The following BSPRY variants were observed in gnomAD, a reference collection of about 807,000 sequenced individuals.
The protein encoded by BSPRY is B box and SPRY domain-containing protein.
BSPRY carries 33 observed loss-of-function variants against 38.0 expected under a neutral mutation model. The ratio of observed to expected loss-of-function variants is 0.87; its 90% confidence interval spans 0.66 to 1.16. BSPRY has a LOEUF of 1.16. Ranked by LOEUF, BSPRY falls within the 50% of genes most tolerant of loss-of-function variation. The pLI is 0.00. For synonymous variants in BSPRY, 224 were observed against 228.5 expected, an observed-to-expected ratio of 0.98 and a Z score of 0.18; for missense variants, 523 against 533.2, an observed-to-expected ratio of 0.98 and a Z score of 0.19.
intron 2 of BSPRY, among the ~76,000 whole-genome samples, chr9:113,359,603 T>G (rs543721020): frequency 6.6e-6 from 1 of 152,312 alleles, no homozygotes; most frequent in South Asian, 2.1e-4. Flanking sequence ...CAGGTGCCTT[T>G]GGGAAGGATT....
chr9:113,351,837 C>T (rs1210206089), intron 1 of BSPRY, among the ~76,000 whole-genome samples: 3 of 152,044 alleles, frequency 2.0e-5, no homozygotes, highest in African/African-American at 7.2e-5. Flanking sequence ...CAGTCTCACT[C>T]TGTCACCCAG....
intron 2 of BSPRY, among the ~76,000 whole-genome samples, chr9:113,354,762 T>A (rs1834030406): frequency 6.6e-6 from 1 of 152,210 alleles, no homozygotes; most frequent in Non-Finnish European, 1.5e-5. Flanking sequence ...AACTGACCTG[T>A]CCAAGGACCC....
At chr9:113,365,595 G>A (rs1834234461) in intron 4 of BSPRY, among the ~76,000 whole-genome samples, 1 of 152,112 alleles carries the variant, frequency 6.6e-6, no homozygotes, top group African/African-American at 2.4e-5. Flanking sequence ...TGCTTCTCCA[G>A]GGCACCTGGT....
intron 1 of BSPRY, 23 bp downstream of exon 1, chr9:113,349,803 A>G: frequency 8.2e-7 from 1 of 1,222,216 alleles, no homozygotes; most frequent in Non-Finnish European, 1.0e-6. Flanking sequence ...GGGCGCCGGA[A>G]GGCGAGGGCT....
At chr9:113,369,186 G>A (rs561345701) in intron 5 of BSPRY, among the ~76,000 whole-genome samples, 1 of 152,242 alleles carries the variant, frequency 6.6e-6, no homozygotes, top group East Asian at 1.9e-4. Flanking sequence ...CCAATCTGGA[G>A]GCCACAGATA....
chr9:113,361,976 A>G (rs936140618), intron 3 of BSPRY, among the ~76,000 whole-genome samples: 2 of 152,188 alleles, frequency 1.3e-5, no homozygotes, highest in Non-Finnish European at 2.9e-5. Context: ...CACAGCATCC[A>G]TGGACAGAGC....
intron 4 of BSPRY, among the ~76,000 whole-genome samples, chr9:113,365,200 C>T (rs1170146152): frequency 2.0e-5 from 3 of 152,036 alleles, no homozygotes; most frequent in Admixed American, 6.6e-5. Flanking sequence ...TATGCTTTTC[C>T]TTTTATAATT....
rs1834284296 is a variant in BSPRY, at chr9:113,368,307, A to G, written c.606A>G (p.Leu202=). The change falls in exon 5 of 6, where the codon TTA becomes TTG. Residue 202 remains leucine (L), a synonymous_variant. Transcript: ENST00000374183. ...TGGATCCCCAGGAGTCGGAAATGTT[A>G]AACTTTAATGAGAAGTGCACTCGGA... is the stretch of plus-strand genomic sequence containing the variant. ...GILDPQESEM[L]NFNEKCTRSP... The G allele has an allele frequency of 6.2e-7, 1 of 1,614,204 alleles. No homozygotes were observed.
intron 1 of BSPRY, among the ~76,000 whole-genome samples, chr9:113,353,560 G>A (rs1355824638): frequency 6.6e-6 from 1 of 151,994 alleles, no homozygotes; most frequent in Non-Finnish European, 1.5e-5. Context: ...AAAATTAGCT[G>A]GGTGTGGTGA....
chr9:113,363,616 CATGCCT>C (rs1325204031), intron 4 of BSPRY, among the ~76,000 whole-genome samples: 1 of 151,306 alleles, frequency 6.6e-6, no homozygotes, highest in Admixed American at 6.6e-5. Context: ...CCCGGTGGCT[CATGCCT>C]ATAATCCCAG....
chr9:113,365,697 G>A (rs1350195131), intron 4 of BSPRY, among the ~76,000 whole-genome samples: 1 of 150,792 alleles, frequency 6.6e-6, no homozygotes, highest in Admixed American at 6.7e-5. Context: ...AGCTCACTCA[G>A]CATATAGCAG....
At chr9:113,351,206 C>A (rs902753674) in intron 1 of BSPRY, among the ~76,000 whole-genome samples, 1 of 152,026 alleles carries the variant, frequency 6.6e-6, no homozygotes, top group Non-Finnish European at 1.5e-5. Flanking sequence ...TCGGTACTAC[C>A]CTAGGGAACC....
intron 3 of BSPRY, 28 bp downstream of exon 3, chr9:113,360,765 C>A: frequency 6.6e-7 from 1 of 1,524,082 alleles, no homozygotes. Context: ...GAGGGCATGA[C>A]CAGTTGGCCA....
chr9:113,357,430 AT>A, intron 2 of BSPRY, among the ~76,000 whole-genome samples: 1 of 152,234 alleles, frequency 6.6e-6, no homozygotes, highest in African/African-American at 2.4e-5. Flanking sequence ...TCAGTAAAGC[AT>A]TTTTTATTTT....
chr9:113,366,831 A>G (rs925389127), intron 4 of BSPRY, among the ~76,000 whole-genome samples: 11 of 152,234 alleles, frequency 7.2e-5, no homozygotes, highest in African/African-American at 2.7e-4. Flanking sequence ...CTCCCAAGAC[A>G]GAACAGTGAC....
At chr9:113,356,200 A>G (rs959118443) in intron 2 of BSPRY, among the ~76,000 whole-genome samples, 2 of 152,102 alleles carry the variant, frequency 1.3e-5, no homozygotes, top group African/African-American at 4.8e-5. Flanking sequence ...TGTGACCAGG[A>G]ATGACTTCAT....
intron 4 of BSPRY, among the ~76,000 whole-genome samples, chr9:113,367,769 G>A (rs1223211473): frequency 6.6e-6 from 1 of 151,978 alleles, no homozygotes; most frequent in Non-Finnish European, 1.5e-5. Flanking sequence ...GGCTTCTGGG[G>A]GGCACAGGGG....
intron 5 of BSPRY, among the ~76,000 whole-genome samples, chr9:113,368,699 T>C (rs759261847): frequency 2.0e-5 from 3 of 152,220 alleles, no homozygotes; most frequent in Non-Finnish European, 4.4e-5. Context: ...GGGGTTTCTC[T>C]TTAAGAAGAT....
At position 113,368,306 on chromosome 9, in the gene BSPRY, T is replaced by C; in HGVS notation, c.605T>C (p.Leu202Ser). The change falls in exon 5 of 6, where the codon TTA (leucine) becomes TCA (serine). Residue 202 changes from leucine (L) to serine (S), a missense_variant. Coordinates refer to ENST00000374183, the MANE Select transcript of BSPRY (RefSeq NM_017688.3). ...GILDPQESEMLNFNEKCTRSP... is the reference protein window; with the variant it reads ...GILDPQESEMSNFNEKCTRSP... ...TTGGATCCCCAGGAGTCGGAAATGT[T>C]AAACTTTAATGAGAAGTGCACTCGG... The C allele has an allele frequency of 6.2e-7, 1 of 1,614,106 alleles. No individual in the cohort carries two copies. Among genetic ancestry groups the C allele is most frequent in the South Asian group, 1.1e-5 (1 of 91,076 alleles).
Sources: gnomAD v4.1 joint callset for allele counts (sites outside exome capture counted in the v4.1 genomes callset) on GRCh38, gnomAD v4.1.1 for gene constraint, MANE v1.5 for transcripts, NCBI Gene and HGNC (gene_info 2026-07-23, HGNC 2026-07-21) for gene names.